Variants in ZC4H2 observed in about 807,000 individuals in gnomAD.
ZC4H2 encodes zinc finger C4H2-type containing, also known as zinc finger C4H2 domain-containing protein.
For synonymous variants in ZC4H2, 84 were observed against 66.3 expected (o/e 1.27, Z -1.30); for missense variants, 137 against 173.9 (o/e 0.79, Z 1.19).
intron 1 of ZC4H2, among the ~76,000 whole-genome samples, chrX:64,999,261 T>C (rs1054318831): frequency 9.0e-6 from 1 of 110,563 alleles, no homozygotes; most frequent in Non-Finnish European, 1.9e-5. Context: ...CTGGGACAGG[T>C]TAGACACTGT....
At chrX:64,958,584 T>A (rs1040541323) in intron 1 of ZC4H2, among the ~76,000 whole-genome samples, 1 of 111,382 alleles carries the variant, frequency 9.0e-6, no homozygotes. Flanking sequence ...TGCCTCAATC[T>A]CCCCACCTCC....
chrX:64,983,993 A>G (rs1007335098), intron 1 of ZC4H2, among the ~76,000 whole-genome samples: 6 of 111,523 alleles, frequency 5.4e-5, no homozygotes, highest in African/African-American at 2.0e-4. Context: ...CATGGATATT[A>G]TATGCATAAT....
intron 1 of ZC4H2, among the ~76,000 whole-genome samples, chrX:64,939,828 C>T (rs1356165938): frequency 2.7e-5 from 3 of 110,922 alleles, no homozygotes; most frequent in Non-Finnish European, 3.8e-5. Context: ...TCATAAAAAT[C>T]CTAGAAGAAA....
intron 1 of ZC4H2, among the ~76,000 whole-genome samples, chrX:64,943,005 T>C (rs1930362734): frequency 8.9e-6 from 1 of 112,431 alleles, no homozygotes; most frequent in Non-Finnish European, 1.9e-5. Context: ...TTCCTGACTT[T>C]TTAATGATCA....
chrX:64,963,107 C>T (rs1931460169), intron 1 of ZC4H2, among the ~76,000 whole-genome samples: 1 of 111,193 alleles, frequency 9.0e-6, no homozygotes, highest in African/African-American at 3.3e-5. Context: ...TGGGAAAAAA[C>T]AGAGAGCCCA....
intron 1 of ZC4H2, among the ~76,000 whole-genome samples, chrX:64,961,855 A>T (rs893972317): frequency 9.0e-6 from 1 of 111,459 alleles, no homozygotes; most frequent in African/African-American, 3.2e-5. Context: ...ATCTGGCAAG[A>T]CTGAGTCCTG....
intron 1 of ZC4H2, among the ~76,000 whole-genome samples, chrX:65,031,902 C>T (rs1248898720): frequency 8.9e-6 from 1 of 112,391 alleles, no homozygotes; most frequent in Non-Finnish European, 1.9e-5. Context: ...TGCCTCAATT[C>T]TCAAGTGGAC....
chrX:64,992,142 T>C (rs778185256), intron 1 of ZC4H2, among the ~76,000 whole-genome samples: 10 of 112,046 alleles, frequency 8.9e-5, no homozygotes, highest in Non-Finnish European at 1.7e-4. Flanking sequence ...CATAACTGTA[T>C]ATTTTTATTG....
intron 1 of ZC4H2, among the ~76,000 whole-genome samples, chrX:64,940,533 C>A (rs1390212484): frequency 9.0e-6 from 1 of 111,637 alleles, no homozygotes; most frequent in Non-Finnish European, 1.9e-5. Flanking sequence ...GATTTTAGGT[C>A]TTACATTTAA....
intron 1 of ZC4H2, among the ~76,000 whole-genome samples, chrX:64,941,776 G>A (rs1184683532): frequency 1.8e-5 from 2 of 112,013 alleles, no homozygotes; most frequent in Admixed American, 1.9e-4. Context: ...TTTTTGATGT[G>A]CTGCTGGATT....
chrX:64,946,152 A>C (rs1183372980), intron 1 of ZC4H2, among the ~76,000 whole-genome samples: 7 of 110,685 alleles, frequency 6.3e-5, no homozygotes, highest in African/African-American at 1.3e-4. Context: ...AAACCAAAAC[A>C]AAACAAAACA....
rs1251979571 is a variant in ZC4H2, at chrX:65,013,359, G to A, written c.-272+21270C>T. 6.3e-5 allele frequency among the ~76,000 whole-genome samples: 7 copies of A among 111,663 alleles called. No homozygotes were observed. The South Asian group carries it at 1.9e-3, about 30-fold the overall frequency. On this transcript the variant is annotated intron_variant, in intron 1 of 4. Transcript: ENST00000337990. ...TGCCTTCTAGTATCCATTTCTCTGT[G>A]TAATCCCCTCCTATTAGGGGCAGGC...
At chrX:64,998,634 G>A (rs1192353897) in intron 1 of ZC4H2, among the ~76,000 whole-genome samples, 1 of 111,323 alleles carries the variant, frequency 9.0e-6, no homozygotes, top group Non-Finnish European at 1.9e-5. Flanking sequence ...GATCTAGTTT[G>A]TTGTGTTAAG....
At chrX:64,933,816 C>G (rs1210373979) in intron 1 of ZC4H2, among the ~76,000 whole-genome samples, 1 of 111,333 alleles carries the variant, frequency 9.0e-6, no homozygotes, top group Non-Finnish European at 1.9e-5. Context: ...TTTATACTTG[C>G]TGAGTTGATG....
intron 1 of ZC4H2, among the ~76,000 whole-genome samples, chrX:64,948,487 C>T (rs753280030): frequency 4.1e-4 from 46 of 111,605 alleles, no homozygotes; most frequent in African/African-American, 1.3e-3. Flanking sequence ...GAGAGCAAAG[C>T]CAATATTTTA....
chrX:64,925,544 CA>C (rs1341313593), intron 1 of ZC4H2, among the ~76,000 whole-genome samples: 1 of 111,925 alleles, frequency 8.9e-6, no homozygotes, highest in African/African-American at 3.3e-5. Flanking sequence ...TAACTGAAAT[CA>C]GGGGTAAGAG....
intron 1 of ZC4H2, among the ~76,000 whole-genome samples, chrX:64,950,597 A>G (rs773740698): frequency 9.0e-6 from 1 of 110,864 alleles, no homozygotes; most frequent in South Asian, 3.9e-4. Flanking sequence ...CTTTACCATT[A>G]TGAAATGACC....
chrX:65,022,721 T>C (rs140455627), intron 1 of ZC4H2, among the ~76,000 whole-genome samples: 1,257 of 111,593 alleles, frequency 0.011, 22 homozygotes, highest in African/African-American at 0.04. Context: ...TTAAAATACC[T>C]AGGAATACAA....
intron 1 of ZC4H2, among the ~76,000 whole-genome samples, chrX:65,015,545 C>T (rs1932791786): frequency 8.9e-6 from 1 of 111,919 alleles, no homozygotes; most frequent in South Asian, 3.7e-4. Flanking sequence ...CCTCAAAGAT[C>T]TTGGAATAAT....
Sources: gnomAD v4.1 joint callset for allele counts (sites outside exome capture counted in the v4.1 genomes callset) on GRCh38, gnomAD v4.1.1 for gene constraint, MANE v1.5 for transcripts, NCBI Gene and HGNC (gene_info 2026-07-23, HGNC 2026-07-21) for gene names.